NUCB1: variants seen among roughly 807,000 people sequenced by gnomAD.
The protein encoded by NUCB1 is nucleobindin 1.
NUCB1 carries 47 observed loss-of-function variants against 61.2 expected under a neutral mutation model. The observed-to-expected ratio is 0.77, with a 90% CI of 0.61 to 0.98. The LOEUF (loss-of-function observed/expected upper bound fraction) is 0.98, where lower values mean the gene tolerates loss of function less well. Ranked by LOEUF, NUCB1 falls within the 50% of genes least tolerant of loss-of-function variation. The pLI is 0.00. For synonymous variants in NUCB1, 234 were observed against 243.1 expected, an observed-to-expected ratio of 0.96 and a Z score of 0.35; for missense variants, 583 against 605.3, an observed-to-expected ratio of 0.96 and a Z score of 0.39.
chr19:48,922,323 G>A lies in NUCB1; in HGVS notation c.1285G>A (p.Val429Ile), dbSNP rs757271319. ...TTCCCTCCCTCCATTTCCAGACGAT[G>A]TACCTGTCCCAGCTCCAGCCGGTGA... ...QLKFHPDTDD[V>I]PVPAPAGDQK... Residue 429 changes from valine to isoleucine, a missense_variant, in exon 13 of 13, where the codon GTA (valine) becomes ATA (isoleucine). Val to Ile is a conservative substitution (Grantham distance 29). Transcript: ENST00000405315. 1.9e-6 allele frequency: 3 copies of A among 1,613,448 alleles called. No individual in the cohort carries two copies. Among genetic ancestry groups the A allele is most frequent in the Non-Finnish European group, 8.5e-7 (1 of 1,179,524 alleles).
At chr19:48,903,627 C>T (rs866880419) in intron 2 of NUCB1, among the ~76,000 whole-genome samples, 125 of 11,442 alleles carry the variant, frequency 0.011, no homozygotes, top group Admixed American at 0.014. Flanking sequence ...GATGGATGGA[C>T]GGGTGGTTGG....
intron 10 of NUCB1, among the ~76,000 whole-genome samples, chr19:48,920,007 G>A (rs186290345): frequency 3.3e-5 from 5 of 151,686 alleles, no homozygotes; most frequent in Admixed American, 6.6e-5. Flanking sequence ...GGACTCAAGC[G>A]ATCCACCTGA....
At position 48,921,268 on chromosome 19, in the gene NUCB1, G is replaced by A. The variant is rs762181615; in HGVS notation, c.1117G>A (p.Glu373Lys). 1 of 1,607,478 alleles carries A rather than the reference G, an allele frequency of 6.2e-7. No homozygotes were observed. Among genetic ancestry groups the A allele is most frequent in the Non-Finnish European group, 8.5e-7 (1 of 1,177,566 alleles). The stretch of plus-strand genomic sequence containing the variant: ...GGCCCAGCGCCTCAGCCAGGAGACA[G>A]AGGCTCTAGGGCGGTCCCAGGGCCG... ...AKAQRLSQETEALGRSQGRLE... is the reference protein window; with the variant it reads ...AKAQRLSQETKALGRSQGRLE... The change falls in exon 11 of 13, where the codon GAG becomes AAG. Residue 373 changes from glutamate (E) to lysine (K), a missense_variant. Coordinates refer to ENST00000405315, the MANE Select transcript of NUCB1 (RefSeq NM_006184.6).
chr19:48,905,870 G>A lies in NUCB1; in HGVS notation c.361G>A (p.Ala121Thr), dbSNP rs762546025. The change falls in exon 4 of 13, where the codon GCC becomes ACC. Residue 121 changes from alanine to threonine, a missense_variant. Physicochemically the swap from Ala to Thr is moderately conservative, Grantham distance 58 (BLOSUM62 0). Coordinates refer to ENST00000405315, the MANE Select transcript of NUCB1 (RefSeq NM_006184.6). Reference sequence around the variant, plus strand: ...GATGCTGCTCAAGGCCAAGATGGACGCCGAGCAGGATCCCAGTGAGCAGGG... The same window carrying A: ...GATGCTGCTCAAGGCCAAGATGGACACCGAGCAGGATCCCAGTGAGCAGGG... Reference protein sequence around the residue: ...LRMLLKAKMDAEQDPNVQVDH... With the variant: ...LRMLLKAKMDTEQDPNVQVDH... 12 of 1,407,020 alleles carry A rather than the reference G, an allele frequency of 8.5e-6. No homozygotes were observed. The highest frequency in any genetic ancestry group is 4.5e-5 in the South Asian group (4 of 88,638). The allele number at this position is 1,407,020 out of a possible 1,614,324, so 87.2% of individuals were successfully genotyped here. A position where few individuals can be genotyped will look rare whatever the true frequency, so the allele number is the denominator to read the frequency against.
chr19:48,913,129 A>G lies in NUCB1; in HGVS notation c.599A>G (p.Lys200Arg), dbSNP rs370570235. 1.9e-6 allele frequency: 3 copies of G among 1,613,794 alleles called. No individual in the cohort carries two copies. The highest frequency in any genetic ancestry group is 2.5e-6 in the Non-Finnish European group (3 of 1,179,974). ...GAGTCACTGGGAGAGGAGCAGAGAA[A>G]GGAGGCGGAGAGGAAGCTGGAAGAG... ...YLESLGEEQR[K>R]EAERKLEEQQ... The change falls in exon 6 of 13, where the codon AAG becomes AGG. Residue 200 changes from lysine (K) to arginine (R), a missense_variant. Lys to Arg is a conservative substitution (Grantham distance 26). Coordinates refer to ENST00000405315, the MANE Select transcript of NUCB1 (RefSeq NM_006184.6).
At chr19:48,904,527 C>A in intron 3 of NUCB1, 73 bp downstream of exon 3, 14 of 586,110 alleles carry the variant, frequency 2.4e-5, no homozygotes, top group Non-Finnish European at 3.7e-5. Flanking sequence ...GGACTGGTTT[C>A]TTTTTTTTTT....
At position 48,922,755 on chromosome 19, in the gene NUCB1, C is replaced by G. The variant is rs2037626293; in HGVS notation, c.*331C>G. On this transcript the variant is annotated 3_prime_UTR_variant, in exon 13 of 13. Coordinates refer to ENST00000405315, the MANE Select transcript of NUCB1 (RefSeq NM_006184.6). ...AGAGGGTCTGCTCTGAGCCTGCGTT[C>G]CTAGGTGGCTCGGCCTCAGCTGCCT... The G allele has an allele frequency of 3.9e-6, 1 of 255,118 alleles. No homozygotes were observed. Among genetic ancestry groups the G allele is most frequent in the Non-Finnish European group, 7.7e-6 (1 of 129,038 alleles). The allele number at this position is 255,118 out of a possible 1,614,324, so 15.8% of individuals were successfully genotyped here.
Position 48,923,276 on chromosome 19 carries a change from T to C in NUCB1, c.*852T>C, listed in dbSNP as rs1278068921. 1.3e-5 allele frequency: 2 copies of C among 152,334 alleles called. No individual in the cohort carries two copies. Among genetic ancestry groups the C allele is most frequent in the African/African-American group, 2.4e-5 (1 of 41,454 alleles). The allele number at this position is 152,334 out of a possible 1,614,324, so 9.4% of individuals were successfully genotyped here. A position where few individuals can be genotyped will look rare whatever the true frequency, so the allele number is the denominator to read the frequency against. ...AAATACACTTTCTGGAACAAATGCA[T>C]GGCTCCATGCCTGTGTATCTGGACT... On this transcript the variant is annotated 3_prime_UTR_variant, in exon 13 of 13. Coordinates refer to ENST00000405315, the MANE Select transcript of NUCB1 (RefSeq NM_006184.6).
chr19:48,919,761 ATTTTTT>A (rs869087543), intron 10 of NUCB1, among the ~76,000 whole-genome samples: 1 of 80,988 alleles, frequency 1.2e-5, no homozygotes, highest in Non-Finnish European at 2.2e-5. Context: ...TAGAGGTGTG[ATTTTTT>A]TTTTTTTTTT....
intron 4 of NUCB1, among the ~76,000 whole-genome samples, chr19:48,907,239 C>T (rs1401741338): frequency 6.7e-6 from 1 of 149,456 alleles, no homozygotes; most frequent in Non-Finnish European, 1.5e-5. Context: ...TCCCAAAGTG[C>T]TGGGATTACA....
intron 2 of NUCB1, among the ~76,000 whole-genome samples, chr19:48,903,880 GGAT>G (rs2037382867): frequency 7.4e-6 from 1 of 135,584 alleles, no homozygotes; most frequent in Admixed American, 7.2e-5. Flanking sequence ...ATGGATGGAT[GGAT>G]GGGTGGGTGG....
At chr19:48,916,097 A>AC (rs1261757243) in intron 7 of NUCB1, among the ~76,000 whole-genome samples, 2 of 151,620 alleles carry the variant, frequency 1.3e-5, no homozygotes, top group Non-Finnish European at 2.9e-5. Context: ...TCTAGCAACC[A>AC]CCATTCTATT....
intron 4 of NUCB1, among the ~76,000 whole-genome samples, chr19:48,909,264 C>T (rs1449028308): frequency 1.0e-4 from 15 of 145,438 alleles, no homozygotes; most frequent in Non-Finnish European, 1.5e-4. Flanking sequence ...TTTTTTTTTC[C>T]AAGACAGAGT....
Position 48,922,608 on chromosome 19 carries a change from C to G in NUCB1, c.*184C>G. On this transcript the variant is annotated 3_prime_UTR_variant, in exon 13 of 13. Coordinates refer to ENST00000405315, the MANE Select transcript of NUCB1 (RefSeq NM_006184.6). ...CCACCTGTCTCCACTTTCACAGCCT[C>G]CAAGTCTGTGGCTCTTCCCTTCTGT... is the stretch of plus-strand genomic sequence containing the variant. 1 of 585,886 alleles carries G rather than the reference C, an allele frequency of 1.7e-6. No homozygotes were observed. The highest frequency in any genetic ancestry group is 2.0e-5 in the South Asian group (1 of 51,270). The allele number at this position is 585,886 out of a possible 1,614,324, so 36.3% of individuals were successfully genotyped here. A position where few individuals can be genotyped will look rare whatever the true frequency, so the allele number is the denominator to read the frequency against.
intron 2 of NUCB1, among the ~76,000 whole-genome samples, chr19:48,903,395 T>TA (rs2037372762): frequency 8.9e-6 from 1 of 112,516 alleles, no homozygotes; most frequent in Non-Finnish European, 1.7e-5. Context: ...GATGGGCAGT[T>TA]GGATGGATGG....
intron 7 of NUCB1, among the ~76,000 whole-genome samples, chr19:48,913,968 C>CTTTTTT (rs767741319): frequency 7.2e-6 from 1 of 139,326 alleles, no homozygotes; most frequent in African/African-American, 2.7e-5. Context: ...TTTCTTTTTC[C>CTTTTTT]TTTTTTTTTT....
At chr19:48,902,720 A>G (rs1353932560) in intron 2 of NUCB1, among the ~76,000 whole-genome samples, 1 of 151,834 alleles carries the variant, frequency 6.6e-6, no homozygotes, top group African/African-American at 2.4e-5. Context: ...CTGGAGAGAT[A>G]TGTTAAGTCA....
intron 7 of NUCB1, among the ~76,000 whole-genome samples, chr19:48,916,091 G>C (rs1460469718): frequency 1.3e-5 from 2 of 151,824 alleles, no homozygotes; most frequent in Non-Finnish European, 2.9e-5. Context: ...CTGCTCTCTA[G>C]CAACCACCAT....
At position 48,916,170 on chromosome 19, in the gene NUCB1, T is replaced by TTGTG. The variant is rs1438258312; in HGVS notation, c.758-2556_758-2555insTGTG. Among the ~76,000 whole-genome samples the TTGTG allele has an allele frequency of 8.0e-5, 11 of 137,074 alleles. No individual in the cohort carries two copies. In the South Asian group the frequency reaches 1.1e-3, roughly 13 times the overall value. 89.9% of individuals were successfully genotyped at this position (137,074 alleles called of 152,430 possible). On this transcript the variant is annotated intron_variant, in intron 7 of 12. Transcript: ENST00000405315. ...TGCAAGTAGAATCTTTTGGTATTTG[T>TTGTG]CGTGTGTGTGTGTGTGTGTGTGTGT...
Sources: gnomAD v4.1 joint callset for allele counts (sites outside exome capture counted in the v4.1 genomes callset) on GRCh38, gnomAD v4.1.1 for gene constraint, MANE v1.5 for transcripts, NCBI Gene and HGNC (gene_info 2026-07-23, HGNC 2026-07-21) for gene names.